Variants in SETBP1 observed in about 807,000 individuals in gnomAD.
The protein encoded by SETBP1 is SET binding protein 1.
Under a neutral mutation model 101.0 loss-of-function variants are expected in SETBP1, and 9 were observed. The ratio of observed to expected loss-of-function variants is 0.09; its 90% confidence interval spans 0.05 to 0.16. The LOEUF (loss-of-function observed/expected upper bound fraction) is 0.16, where lower values mean the gene tolerates loss of function less well. Ranked by LOEUF, SETBP1 falls within the 10% of genes least tolerant of loss-of-function variation. SETBP1 has a pLI of 1.00. For missense variants in SETBP1, 1,858 were observed against 2,033.8 expected (o/e 0.91, Z 1.66); for synonymous variants, 818 against 788.5 (o/e 1.04, Z -0.63).
At chr18:44,923,357 T>C (rs925787210) in intron 3 of SETBP1, among the ~76,000 whole-genome samples, 1 of 152,190 alleles carries the variant, frequency 6.6e-6, no homozygotes, top group African/African-American at 2.4e-5. Context: ...AGAATTTCCA[T>C]TTAACTAATG....
chr18:44,870,237 C>G (rs2069242251), intron 3 of SETBP1: 10 of 152,238 alleles, frequency 6.6e-5, no homozygotes, highest in Admixed American at 5.2e-4. Context: ...AGGTGTTTCA[C>G]ATCCAGGAGC....
intron 2 of SETBP1, among the ~76,000 whole-genome samples, chr18:44,732,325 C>T (rs1357107319): frequency 6.6e-6 from 1 of 152,330 alleles, no homozygotes; most frequent in East Asian, 1.9e-4. Context: ...TACGACTTGA[C>T]TGCAGACGCC....
intron 2 of SETBP1, among the ~76,000 whole-genome samples, chr18:44,821,836 CTGGGTCTCCT>C (rs1266009311): frequency 6.6e-6 from 1 of 152,182 alleles, no homozygotes; most frequent in East Asian, 1.9e-4. Context: ...TAGCAAGGAC[CTGGGTCTCCT>C]TGGTGTACCT....
chr18:45,058,358 A>C (rs1164655926), intron 5 of SETBP1, among the ~76,000 whole-genome samples: 1 of 152,358 alleles, frequency 6.6e-6, no homozygotes, highest in Admixed American at 6.5e-5. Context: ...AACCCTGCCA[A>C]GTCTGAAGTT....
intron 4 of SETBP1, among the ~76,000 whole-genome samples, chr18:45,031,341 G>A (rs117322463): frequency 0.044 from 6,712 of 152,122 alleles, 176 homozygotes; most frequent in Non-Finnish European, 0.059. Flanking sequence ...TAGGAATTAC[G>A]ATGTGGACAG....
chr18:44,886,754 T>TTTATTACTA (rs1555696290), intron 3 of SETBP1, among the ~76,000 whole-genome samples: 2 of 143,102 alleles, frequency 1.4e-5, no homozygotes, highest in African/African-American at 5.1e-5. Context: ...GACTGTACAT[T>TTTATTACTA]TTATTATTAT....
intron 3 of SETBP1, among the ~76,000 whole-genome samples, chr18:44,889,587 C>A (rs190348474): frequency 6.6e-6 from 1 of 152,272 alleles, no homozygotes; most frequent in Non-Finnish European, 1.5e-5. Flanking sequence ...GTGAGTTGCA[C>A]TGACTCTCCA....
At chr18:44,893,018 A>AT (rs1407316506) in intron 3 of SETBP1, among the ~76,000 whole-genome samples, 7 of 152,082 alleles carry the variant, frequency 4.6e-5, no homozygotes, top group African/African-American at 1.2e-4. Context: ...CTCTATTGAG[A>AT]TTTTTTATTT....
At chr18:44,996,589 C>T (rs1286678747) in intron 4 of SETBP1, among the ~76,000 whole-genome samples, 3 of 152,236 alleles carry the variant, frequency 2.0e-5, no homozygotes, top group Non-Finnish European at 2.9e-5. Flanking sequence ...CCATTCATAT[C>T]GAACTTTCTG....
At position 44,951,605 on chromosome 18, in the gene SETBP1, G is replaced by A; in HGVS notation, c.2265G>A (p.Gln755=). 1 of 1,614,186 alleles carries A rather than the reference G, an allele frequency of 6.2e-7. No homozygotes were observed. The highest frequency in any genetic ancestry group is 8.5e-7 in the Non-Finnish European group (1 of 1,180,036). The change falls in exon 4 of 6, where the codon CAG becomes CAA. Residue 755 remains glutamine, a synonymous_variant. Coordinates refer to ENST00000649279, the MANE Select transcript of SETBP1 (RefSeq NM_015559.3). The surrounding 1 kb of genome is among the most constrained non-coding windows in gnomAD (Gnocchi z 7.8). The part of the protein sequence containing the change: ...AIKHPRPVSS[Q]PDVPAVPSNF... Reference sequence around the variant, plus strand: ...AGCACCCCAGGCCTGTTTCTAGCCAGCCGGATGTTCCAGCCGTGCCTTCCA... The same window carrying A: ...AGCACCCCAGGCCTGTTTCTAGCCAACCGGATGTTCCAGCCGTGCCTTCCA...
At chr18:44,954,343 A>C (rs1038683434) in intron 4 of SETBP1, among the ~76,000 whole-genome samples, 3 of 149,584 alleles carry the variant, frequency 2.0e-5, no homozygotes, top group African/African-American at 2.4e-5. Context: ...AAAAAAAAAA[A>C]AAAAAAAAAA....
intron 3 of SETBP1, among the ~76,000 whole-genome samples, chr18:44,947,276 G>A (rs2145078102): frequency 6.6e-6 from 1 of 152,088 alleles, no homozygotes; most frequent in South Asian, 2.1e-4. Context: ...CATTAATTAG[G>A]GACTCTGTTA....
intron 2 of SETBP1, among the ~76,000 whole-genome samples, chr18:44,710,276 CTTGT>C (rs1287922621): frequency 6.6e-6 from 1 of 152,100 alleles, no homozygotes; most frequent in African/African-American, 2.4e-5. Flanking sequence ...ACCTGCTTTG[CTTGT>C]TTATTAGACA....
chr18:44,721,761 C>T (rs1368152445), intron 2 of SETBP1, among the ~76,000 whole-genome samples: 1 of 152,136 alleles, frequency 6.6e-6, no homozygotes, highest in Non-Finnish European at 1.5e-5. Flanking sequence ...AACAAGAATG[C>T]ATATGGCCAT....
At chr18:45,034,428 C>G (rs1349293617) in intron 4 of SETBP1, among the ~76,000 whole-genome samples, 1 of 152,010 alleles carries the variant, frequency 6.6e-6, no homozygotes, top group Non-Finnish European at 1.5e-5. Flanking sequence ...AATGCAAACA[C>G]GGTGTGCAGG....
chr18:44,891,910 T>C (rs1471242178), intron 3 of SETBP1, among the ~76,000 whole-genome samples: 1 of 152,160 alleles, frequency 6.6e-6, no homozygotes, highest in Non-Finnish European at 1.5e-5. Context: ...CGTTTGAACA[T>C]TGCTTTTTAT....
chr18:44,728,392 G>A (rs140054206), intron 2 of SETBP1, among the ~76,000 whole-genome samples: 176 of 152,188 alleles, frequency 1.2e-3, no homozygotes, highest in African/African-American at 4.0e-3. Flanking sequence ...TGCGGGTCTC[G>A]GGAAAAAGTC....
chr18:44,979,628 T>G (rs1026757810), intron 4 of SETBP1, among the ~76,000 whole-genome samples: 2 of 152,176 alleles, frequency 1.3e-5, no homozygotes, highest in Non-Finnish European at 1.5e-5. Context: ...AGCTGGTCAT[T>G]TTGATTTAAG....
chr18:44,934,558 A>G (rs529280087), intron 3 of SETBP1, among the ~76,000 whole-genome samples: 2 of 152,178 alleles, frequency 1.3e-5, no homozygotes, highest in Admixed American at 6.5e-5. Context: ...CAGAGTTTCA[A>G]TGCACTCCCA....
Sources: allele counts gnomAD v4.1 joint callset (sites outside exome capture counted in the v4.1 genomes callset), GRCh38; gene constraint gnomAD v4.1.1; non-coding constraint Gnocchi (gnomAD v3.1); transcripts MANE v1.5; gene names NCBI Gene and HGNC (gene_info 2026-07-23, HGNC 2026-07-21).